TLK1: variants seen among roughly 807,000 people sequenced by gnomAD.
TLK1 encodes the protein tousled like kinase 1.
A neutral mutation model predicts 105.3 loss-of-function variants in TLK1; 24 were observed. That is an observed-to-expected ratio of 0.23 (90% CI 0.17 to 0.32). The LOEUF is 0.32. Ranked by LOEUF, TLK1 falls within the 10% of genes least tolerant of loss-of-function variation. TLK1 has a pLI of 1.00. For missense variants in TLK1, 558 were observed against 910.5 expected (o/e 0.61, Z 4.98); for synonymous variants, 321 against 310.4 (o/e 1.03, Z -0.36).
chr2:171,181,852 CCTT>C (rs111914807), intron 1 of TLK1, among the ~76,000 whole-genome samples: 7,412 of 152,232 alleles, frequency 0.049, 482 homozygotes, highest in East Asian at 0.29. Flanking sequence ...CTACGGCAGT[CCTT>C]CTCTCTCTCC....
At chr2:171,196,749 T>C (rs1386518324) in intron 1 of TLK1, among the ~76,000 whole-genome samples, 1 of 152,158 alleles carries the variant, frequency 6.6e-6, no homozygotes, top group Non-Finnish European at 1.5e-5. Flanking sequence ...TGGAGGCCAT[T>C]GTCAGCCTGG....
intron 3 of TLK1, among the ~76,000 whole-genome samples, chr2:171,073,566 A>C (rs1688357672): frequency 6.6e-6 from 1 of 152,188 alleles, no homozygotes; most frequent in Admixed American, 6.5e-5. Flanking sequence ...GATGAGACTC[A>C]CATTTGGTTT....
intron 12 of TLK1, among the ~76,000 whole-genome samples, chr2:171,022,460 G>C (rs1685575271): frequency 6.6e-6 from 1 of 151,924 alleles, no homozygotes; most frequent in African/African-American, 2.4e-5. Flanking sequence ...AAGAAATCAG[G>C]AATCTTTTAA....
intron 2 of TLK1, among the ~76,000 whole-genome samples, chr2:171,099,489 T>C (rs1030719740): frequency 3.9e-5 from 6 of 152,148 alleles, no homozygotes; most frequent in Non-Finnish European, 7.4e-5. Flanking sequence ...TGGCCTTTTG[T>C]TGAAATTGAC....
intron 1 of TLK1, among the ~76,000 whole-genome samples, chr2:171,120,416 C>T (rs560691179): frequency 1.6e-3 from 245 of 151,636 alleles, no homozygotes; most frequent in Non-Finnish European, 2.9e-3. Flanking sequence ...GATTGATATC[C>T]AGAATATATA....
chr2:171,053,510 G>A (rs938242896), intron 8 of TLK1, among the ~76,000 whole-genome samples: 5 of 151,848 alleles, frequency 3.3e-5, no homozygotes, highest in African/African-American at 1.2e-4. Context: ...CTACAGGCAC[G>A]CACCACCATG....
intron 20 of TLK1, chr2:170,994,824 A>C (rs569579672): frequency 7.5e-6 from 3 of 398,790 alleles, no homozygotes; most frequent in African/African-American, 2.1e-5. Flanking sequence ...TCTTTCACCC[A>C]ATATTAAATT....
At chr2:171,204,784 C>A (rs573980573) in intron 1 of TLK1, among the ~76,000 whole-genome samples, 102 of 151,852 alleles carry the variant, frequency 6.7e-4, no homozygotes, top group African/African-American at 2.4e-3. Context: ...CATGGTGAAA[C>A]CCCATTTCTA....
At chr2:171,196,122 G>A (rs1267836784) in intron 1 of TLK1, among the ~76,000 whole-genome samples, 1 of 141,184 alleles carries the variant, frequency 7.1e-6, no homozygotes, top group Non-Finnish European at 1.5e-5. Context: ...ATTGTAGCTG[G>A]TTTTTTTTTT....
At chr2:171,020,916 C>T (rs1016518055) in intron 12 of TLK1, among the ~76,000 whole-genome samples, 1 of 152,056 alleles carries the variant, frequency 6.6e-6, no homozygotes, top group Non-Finnish European at 1.5e-5. Context: ...TTCCCTCCAC[C>T]CCTATCCCCA....
At position 171,015,119 on chromosome 2, in the gene TLK1, A is replaced by G. The variant is rs374500236; in HGVS notation, c.1237-171T>C. The stretch of plus-strand genomic sequence containing the variant: ...TTCAATGCCGAAAAGATGGAAAGAG[A>G]TAAGGCAAAAACCTATTTGAAGAAA... On this transcript the variant is annotated intron_variant, in intron 12 of 20. Transcript: ENST00000431350. 2.0e-5 allele frequency among the ~76,000 whole-genome samples: 3 copies of G among 152,292 alleles called. No individual in the cohort carries two copies. In the East Asian group the frequency reaches 5.8e-4, roughly 29 times the overall value.
At chr2:171,025,672 T>G (rs895183100) in intron 12 of TLK1, among the ~76,000 whole-genome samples, 1 of 152,210 alleles carries the variant, frequency 6.6e-6, no homozygotes, top group East Asian at 1.9e-4. Flanking sequence ...TGATAACATC[T>G]TTTCTTTTGA....
At chr2:171,135,101 A>G (rs1208198772) in intron 1 of TLK1, among the ~76,000 whole-genome samples, 1 of 152,166 alleles carries the variant, frequency 6.6e-6, no homozygotes, top group Non-Finnish European at 1.5e-5. Context: ...ATGTTGGTCA[A>G]AGGACACAAA....
At chr2:171,111,502 T>C (rs947143199) in intron 2 of TLK1, among the ~76,000 whole-genome samples, 1 of 151,804 alleles carries the variant, frequency 6.6e-6, no homozygotes, top group African/African-American at 2.4e-5. Context: ...GAGGGACTGC[T>C]TGAGCCTGGG....
chr2:171,209,535 T>C (rs1693572691), intron 1 of TLK1, among the ~76,000 whole-genome samples: 1 of 152,234 alleles, frequency 6.6e-6, no homozygotes, highest in African/African-American at 2.4e-5. Flanking sequence ...TTTATTTCTT[T>C]AGTATAGTTT....
chr2:171,197,402 T>A (rs1403423517), intron 1 of TLK1, among the ~76,000 whole-genome samples: 4 of 152,182 alleles, frequency 2.6e-5, no homozygotes, highest in Admixed American at 2.6e-4. Flanking sequence ...AGTACAGAAC[T>A]ATAGGCACAA....
chr2:171,182,944 AAAG>A (rs1692955199), intron 1 of TLK1, among the ~76,000 whole-genome samples: 1 of 150,038 alleles, frequency 6.7e-6, no homozygotes, highest in African/African-American at 2.5e-5. Flanking sequence ...AAAAAGAAAG[AAAG>A]AAAGAAAGAA....
chr2:171,109,519 T>C (rs1195064757), intron 2 of TLK1, among the ~76,000 whole-genome samples: 1 of 152,022 alleles, frequency 6.6e-6, no homozygotes, highest in East Asian at 1.9e-4. Flanking sequence ...TACACTAAAA[T>C]GAAAAAGAAT....
intron 5 of TLK1, among the ~76,000 whole-genome samples, chr2:171,057,102 T>C (rs766193125): frequency 1.3e-5 from 2 of 152,076 alleles, no homozygotes; most frequent in Non-Finnish European, 2.9e-5. Flanking sequence ...TCAATTCTTC[T>C]GTACAAAGTG....
Sources: gnomAD v4.1 joint callset for allele counts (sites outside exome capture counted in the v4.1 genomes callset) on GRCh38, gnomAD v4.1.1 for gene constraint, MANE v1.5 for transcripts, NCBI Gene and HGNC (gene_info 2026-07-23, HGNC 2026-07-21) for gene names.